The following RPL6 variants were observed in gnomAD, a reference collection of about 807,000 sequenced individuals.
The protein encoded by RPL6 is ribosomal protein L6.
Under a neutral mutation model 32.1 loss-of-function variants are expected in RPL6, and 1 was observed. That is an observed-to-expected ratio of 0.03 (90% CI 0.01 to 0.15). The LOEUF (loss-of-function observed/expected upper bound fraction) is 0.15. RPL6 is among the 10% of genes least tolerant of loss of function. RPL6 has a pLI of 1.00. For missense variants in RPL6, 275 were observed against 354.6 expected (o/e 0.78, Z 1.80); for synonymous variants, 126 against 131.6 (o/e 0.96, Z 0.29).
upstream of RPL6, among the ~76,000 whole-genome samples, chr12:112,413,486 C>T (rs971793851): frequency 6.6e-6 from 1 of 151,908 alleles, no homozygotes; most frequent in Non-Finnish European, 1.5e-5. Context: ...TGCAGTGAGC[C>T]GAGATTGTGC....
At chr12:112,407,216 T>C (rs1438263154) in intron 3 of RPL6, 2 of 219,292 alleles carry the variant, frequency 9.1e-6, no homozygotes, top group African/African-American at 4.6e-5. Flanking sequence ...AGATTAGGGA[T>C]ACATGGCTTG....
chr12:112,409,331 G>A (rs960441389), intron 1 of RPL6: 12 of 394,854 alleles, frequency 3.0e-5, no homozygotes, highest in African/African-American at 2.3e-4. Flanking sequence ...GTCTGCTACG[G>A]GTCCCCGAAA....
intron 6 of RPL6, 118 bp from the exon 7 acceptor site, chr12:112,405,494 G>A: frequency 9.9e-7 from 1 of 1,005,796 alleles, no homozygotes; most frequent in Non-Finnish European, 1.5e-6. Flanking sequence ...AAACATTAAA[G>A]ACAATTTTGA....
intron 6 of RPL6, 71 bp downstream of exon 6, chr12:112,405,782 G>C (rs2037142923): frequency 8.0e-7 from 1 of 1,249,578 alleles, no homozygotes; most frequent in Admixed American, 2.3e-5. Flanking sequence ...TTCTTTTTGT[G>C]CAACCTGTTT....
In RPL6 at chr12:112,405,210, G is replaced by C. The variant is rs755777373; in HGVS notation, c.*14C>G. On this transcript the variant is annotated 3_prime_UTR_variant, in exon 7 of 7. Coordinates refer to ENST00000202773, the MANE Select transcript of RPL6 (RefSeq NM_000970.6). ...CAAAATGTAGTCAGCTATTTAATTAGGTTCTTAAGACATTTAGAACACCAA... is the reference window on the plus strand; with the variant it reads ...CAAAATGTAGTCAGCTATTTAATTACGTTCTTAAGACATTTAGAACACCAA... The C allele has an allele frequency of 1.3e-6, 2 of 1,554,018 alleles. No homozygotes were observed. Among genetic ancestry groups the C allele is most frequent in the African/African-American group, 1.4e-5 (1 of 71,848 alleles).
At chr12:112,405,469 C>T (rs1413653573) in intron 6 of RPL6, 93 bp from the exon 7 acceptor site, 1 of 1,236,834 alleles carries the variant, frequency 8.1e-7, no homozygotes, top group African/African-American at 1.5e-5. Flanking sequence ...GTACTAATCC[C>T]CAAGAATATT....
At chr12:112,417,983 T>C (rs2037442381) in intron 1 of RPL6, among the ~76,000 whole-genome samples, 3 of 148,450 alleles carry the variant, frequency 2.0e-5, no homozygotes, top group Non-Finnish European at 3.0e-5. Flanking sequence ...TTTATTGTAA[T>C]TATTATTATT....
Position 112,405,846 on chromosome 12 carries a change from A to C in RPL6, c.714+7T>G. On this transcript the variant is annotated splice_region_variant and intron_variant, in intron 6 of 6. Coordinates refer to ENST00000202773, the MANE Select transcript of RPL6 (RefSeq NM_000970.6). ...GCTAACACAGGAGATGACAAGTAGA[A>C]ACTTACCTCTTTTTCTGTGTCGAAG... 6.2e-7 allele frequency: 1 copy of C among 1,608,304 alleles called. No homozygotes were observed. Among genetic ancestry groups the C allele is most frequent in the South Asian group, 1.1e-5 (1 of 90,408 alleles).
chr12:112,414,092 C>T (rs912511655), upstream of RPL6, among the ~76,000 whole-genome samples: 1 of 152,208 alleles, frequency 6.6e-6, no homozygotes, highest in Non-Finnish European at 1.5e-5. Flanking sequence ...TTTAACCTTG[C>T]ATGACTGTTT....
At chr12:112,418,793 A>G in exon 1 of RPL6, 1 of 451,168 alleles carries the variant, frequency 2.2e-6, no homozygotes, top group South Asian at 2.8e-5. Context: ...GCCTCCGCGG[A>G]GCCCCCGCGC....
At chr12:112,406,389 A>C in intron 4 of RPL6, 47 bp from the exon 5 acceptor site, 1 of 1,509,924 alleles carries the variant, frequency 6.6e-7, no homozygotes, top group Middle Eastern at 2.1e-4. Flanking sequence ...TTAAAAACTG[A>C]CTTCTGAATT....
At chr12:112,405,731 G>C (rs141208990) in intron 6 of RPL6, 122 bp downstream of exon 6, 8 of 813,030 alleles carry the variant, frequency 9.8e-6, no homozygotes, top group Non-Finnish European at 1.5e-5. Context: ...GGAATACTAA[G>C]TATCTCCCAG....
upstream of RPL6, among the ~76,000 whole-genome samples, chr12:112,412,908 A>G (rs2037357808): frequency 6.7e-6 from 1 of 150,068 alleles, no homozygotes; most frequent in Admixed American, 6.7e-5. Context: ...TGGGCCACAC[A>G]GTGAGACTCT....
chr12:112,414,862 GC>G (rs938452050), upstream of RPL6, among the ~76,000 whole-genome samples: 41 of 151,696 alleles, frequency 2.7e-4, no homozygotes, highest in African/African-American at 9.4e-4. Flanking sequence ...TCGAGATCAC[GC>G]CACTGCACTC....
At chr12:112,409,004 G>A (rs960139676) in intron 1 of RPL6, 6 of 276,586 alleles carry the variant, frequency 2.2e-5, no homozygotes, top group African/African-American at 8.8e-5. Flanking sequence ...GTGTCCACAG[G>A]TTAGAAGCAC....
At chr12:112,410,278 C>T (rs2135805717), upstream of RPL6, 1 of 262,464 alleles carries the variant, frequency 3.8e-6, no homozygotes, top group Non-Finnish European at 7.6e-6. Context: ...GAACTCTAAT[C>T]TTGTCACTTG....
exon 1 of RPL6, chr12:112,418,803 C>T (rs1284825539): frequency 4.3e-6 from 2 of 462,858 alleles, no homozygotes; most frequent in African/African-American, 2.1e-5. Context: ...AGCCCCCGCG[C>T]TGCCATTCCC....
rs990848870 is a variant in RPL6 at position 112,405,670 on chromosome 12, C to T, written c.714+183G>A. 17 of 638,390 alleles carry T rather than the reference C, an allele frequency of 2.7e-5. No homozygotes were observed. In the East Asian group the frequency reaches 4.7e-4, roughly 18 times the overall value. The allele number at this position is 638,390 out of a possible 1,614,324, so 39.5% of individuals were successfully genotyped here. ...CACAATTCCACCAAACTTTAGGATT[C>T]TAAGTTGAGCTCCCAGACTGCCAAA... On this transcript the variant is annotated intron_variant, in intron 6 of 6. Transcript: ENST00000202773.
At chr12:112,407,002 G>A (rs2037191774) in intron 3 of RPL6, 112 bp from the exon 4 acceptor site, 1 of 991,204 alleles carries the variant, frequency 1.0e-6, no homozygotes, top group Non-Finnish European at 1.5e-6. Context: ...GTATAATACT[G>A]TATTTATATG....
Sources: gnomAD v4.1 joint callset for allele counts (sites outside exome capture counted in the v4.1 genomes callset) on GRCh38, gnomAD v4.1.1 for gene constraint, MANE v1.5 for transcripts, NCBI Gene and HGNC (gene_info 2026-07-23, HGNC 2026-07-21) for gene names.